Variants in PRDX4 observed in about 807,000 individuals in gnomAD.
The protein encoded by PRDX4 is peroxiredoxin 4.
A neutral mutation model predicts 20.5 loss-of-function variants in PRDX4; 12 were observed. That is an observed-to-expected ratio of 0.58 (90% CI 0.37 to 0.95). The LOEUF is 0.95. Among genes scored for constraint, PRDX4 ranks in the 40% least tolerant of loss-of-function variants. The pLI, the probability that PRDX4 is intolerant of heterozygous loss-of-function variation, is 0.01. For missense variants in PRDX4, 180 were observed against 207.3 expected, an observed-to-expected ratio of 0.87 and a Z score of 0.81; for synonymous variants, 99 against 87.5, an observed-to-expected ratio of 1.13 and a Z score of -0.73.
In PRDX4 at chrX:23,682,879, A is replaced by AAC. The variant is rs1928116486; in HGVS notation, c.730+354_730+355dup. On this transcript the variant is annotated intron_variant, in intron 5 of 6. Transcript: ENST00000379341. ...ATATATATATATATATATATATATA[A>AAC]ACTAATATATTCTGCTTACTAAATG... Among the ~76,000 whole-genome samples the AAC allele has an allele frequency of 5.9e-5, 4 of 68,369 alleles. No homozygotes were observed. The South Asian group carries it at 3.7e-3, about 63-fold the overall frequency. 59.4% of individuals were successfully genotyped at this position (68,369 alleles called of 115,157 possible).
At chrX:23,685,245 A>G (rs1569184947) in intron 6 of PRDX4, among the ~76,000 whole-genome samples, 1 of 111,994 alleles carries the variant, frequency 8.9e-6, no homozygotes. Flanking sequence ...CATGCCTGTG[A>G]TTGGAGATGA....
chrX:23,672,466 G>A (rs1267352380), intron 2 of PRDX4, among the ~76,000 whole-genome samples: 1 of 111,636 alleles, frequency 9.0e-6, no homozygotes, highest in Non-Finnish European at 1.9e-5. Context: ...TTAACTCTGT[G>A]ACAGTGAGCG....
rs1481083987 is a variant in PRDX4, at chrX:23,667,918, G to C, written c.241+107G>C. On this transcript the variant is annotated intron_variant, in intron 1 of 6. Transcript: ENST00000379341. ...GGGCGGCACCCCCTGGGCTGCCTCC[G>C]GGCCCTGGGCGGGCCTGGTTCTCAC... 8.2e-6 allele frequency: 9 copies of C among 1,097,047 alleles called. No individual in the cohort carries two copies. The East Asian group carries it at 2.9e-4, about 35-fold the overall frequency. The allele number at this position is 1,097,047 out of a possible 1,213,427, so 90.4% of individuals were successfully genotyped here. A position where few individuals can be genotyped will look rare whatever the true frequency, so the allele number is the denominator to read the frequency against.
chrX:23,681,187 C>A (rs1012334379), intron 4 of PRDX4, among the ~76,000 whole-genome samples: 1 of 110,583 alleles, frequency 9.0e-6, no homozygotes, highest in Non-Finnish European at 1.9e-5. Flanking sequence ...GAGCCGAGAT[C>A]GCGCCACTGC....
chrX:23,669,027 G>A (rs1014279782), intron 1 of PRDX4, among the ~76,000 whole-genome samples: 2 of 110,703 alleles, frequency 1.8e-5, no homozygotes, highest in Non-Finnish European at 3.8e-5. Context: ...CCGGGTTCAA[G>A]CGATTCTTCT....
At chrX:23,674,565 C>G (rs746654862) in intron 2 of PRDX4, among the ~76,000 whole-genome samples, 169 of 99,132 alleles carry the variant, frequency 1.7e-3, no homozygotes, top group African/African-American at 6.2e-3. Flanking sequence ...CACATAGATG[C>G]ATCTAATTCA....
chrX:23,683,870 C>T (rs967256058), intron 6 of PRDX4, among the ~76,000 whole-genome samples, 165 bp downstream of exon 6: 1 of 89,767 alleles, frequency 1.1e-5, no homozygotes, highest in Non-Finnish European at 2.2e-5. Context: ...TGGTGAAATC[C>T]GTCTCTACTA....
intron 6 of PRDX4, 118 bp from the exon 7 acceptor site, chrX:23,686,167 T>C: frequency 2.0e-6 from 1 of 494,406 alleles, no homozygotes. Context: ...TTTCTAAATA[T>C]ACAATCTGAT....
intron 6 of PRDX4, among the ~76,000 whole-genome samples, chrX:23,684,650 A>G (rs2146796286): frequency 9.1e-6 from 1 of 110,093 alleles, no homozygotes; most frequent in East Asian, 2.9e-4. Context: ...ACAAGCCTGC[A>G]CCACCACACC....
chrX:23,682,422 G>T lies in PRDX4; in HGVS notation c.626G>T (p.Gly209Val). The change falls in exon 5 of 7, where the codon GGA becomes GTA. Residue 209 changes from glycine to valine, a missense_variant. Physicochemically the swap from Gly to Val is moderately radical, Grantham distance 109 (BLOSUM62 -3). Around this residue, in one of 3 missense-constraint regions of PRDX4, gnomAD observed 73 missense variants for 76.5 expected, o/e 0.95. Transcript: ENST00000379341. ...LRGLFIIDDK[G>V]ILRQITLNDL... ...GGTCTCTTCATTATTGATGACAAAG[G>T]AATCCTAAGACAAATTACTCTGAAT... is the stretch of plus-strand genomic sequence containing the variant. 1 of 1,172,505 alleles carries T rather than the reference G, an allele frequency of 8.5e-7. No homozygotes were observed. Among genetic ancestry groups the T allele is most frequent in the South Asian group, 1.9e-5 (1 of 53,668 alleles).
intron 4 of PRDX4, among the ~76,000 whole-genome samples, chrX:23,679,513 T>C (rs1928020164): frequency 1.8e-5 from 2 of 109,292 alleles, no homozygotes; most frequent in Admixed American, 9.9e-5. Context: ...GGTGAAACCC[T>C]GTCTCTACCA....
At chrX:23,672,699 C>T (rs1462202172) in intron 2 of PRDX4, among the ~76,000 whole-genome samples, 1 of 111,879 alleles carries the variant, frequency 8.9e-6, no homozygotes, top group African/African-American at 3.2e-5. Flanking sequence ...TCTATCTTTG[C>T]CACTGTGCCT....
chrX:23,667,774 G>T lies in PRDX4; in HGVS notation c.204G>T (p.Ser68=), dbSNP rs1927760724. Residue 68 remains serine, a synonymous_variant, in exon 1 of 7, where the codon TCG becomes TCT. Coordinates refer to ENST00000379341, the MANE Select transcript of PRDX4 (RefSeq NM_006406.2). Reference sequence around the variant, plus strand: ...ACCCGGGAGAGGCATCCCGGGTATCGGTCGCCGACCACTCCCTGCACCTAA... The same window carrying T: ...ACCCGGGAGAGGCATCCCGGGTATCTGTCGCCGACCACTCCCTGCACCTAA... ...QVYPGEASRV[S]VADHSLHLSK... 1 of 1,211,416 alleles carries T rather than the reference G, an allele frequency of 8.3e-7. No homozygotes were observed. Among genetic ancestry groups the T allele is most frequent in the African/African-American group, 1.7e-5 (1 of 57,745 alleles).
chrX:23,671,287 G>A (rs986781277), intron 1 of PRDX4: 6 of 302,784 alleles, frequency 2.0e-5, no homozygotes, highest in Admixed American at 6.2e-5. Context: ...CATGTATTAT[G>A]ATATCACCAA....
At chrX:23,675,729 T>G (rs1345575173) in intron 3 of PRDX4, among the ~76,000 whole-genome samples, 1 of 112,015 alleles carries the variant, frequency 8.9e-6, no homozygotes, top group Non-Finnish European at 1.9e-5. Flanking sequence ...TTAGCATTTC[T>G]GGAGAGCAGT....
At chrX:23,670,782 G>A (rs758643783) in intron 1 of PRDX4, among the ~76,000 whole-genome samples, 11 of 111,981 alleles carry the variant, frequency 9.8e-5, no homozygotes, top group Non-Finnish European at 1.9e-4. Context: ...CCCATGGTCT[G>A]GGATTTTACA....
intron 4 of PRDX4, among the ~76,000 whole-genome samples, chrX:23,681,965 C>T (rs916854823): frequency 9.0e-6 from 1 of 111,651 alleles, no homozygotes; most frequent in Admixed American, 9.6e-5. Flanking sequence ...CACTTGAGCC[C>T]AAGAGGTTGA....
chrX:23,683,097 C>T (rs1928120597), intron 5 of PRDX4, among the ~76,000 whole-genome samples: 1 of 109,662 alleles, frequency 9.1e-6, no homozygotes, highest in South Asian at 3.8e-4. Context: ...TTGATCACTT[C>T]TCTGCCTTTC....
chrX:23,674,848 T>C, intron 2 of PRDX4, 142 bp from the exon 3 acceptor site: 1 of 818,502 alleles, frequency 1.2e-6, no homozygotes, highest in Non-Finnish European at 1.7e-6. Context: ...TTTAGACTAC[T>C]CCATTTTGAA....
Sources: gnomAD v4.1 joint callset for allele counts (sites outside exome capture counted in the v4.1 genomes callset) on GRCh38, gnomAD v4.1.1 for gene constraint, gnomAD v4.1.1 regional missense constraint, MANE v1.5 for transcripts, NCBI Gene and HGNC (gene_info 2026-07-23, HGNC 2026-07-21) for gene names.